Variants in DOCK2 observed in about 807,000 individuals in gnomAD.
DOCK2 encodes dedicator of cytokinesis 2, also known as dedicator of cytokinesis protein 2.
Under a neutral mutation model 248.9 loss-of-function variants are expected in DOCK2, and 87 were observed. That is an observed-to-expected ratio of 0.35 (90% CI 0.29 to 0.42). DOCK2 has a LOEUF of 0.42. DOCK2 is among the 10% of genes least tolerant of loss of function. The pLI, the probability that DOCK2 is intolerant of heterozygous loss-of-function variation, is 1.00. For missense variants in DOCK2, 1,747 were observed against 2,300.2 expected (o/e 0.76, Z 4.92); for synonymous variants, 805 against 821.6 (o/e 0.98, Z 0.35).
intron 9 of DOCK2, among the ~76,000 whole-genome samples, chr5:169,694,624 T>C (rs1050468427): frequency 1.3e-4 from 20 of 152,234 alleles, no homozygotes; most frequent in African/African-American, 4.8e-4. Flanking sequence ...AGATTGAATA[T>C]GGTGATGCAG....
intron 48 of DOCK2, among the ~76,000 whole-genome samples, chr5:170,078,107 G>A (rs1303483931): frequency 1.3e-5 from 2 of 152,144 alleles, no homozygotes; most frequent in African/African-American, 2.4e-5. Flanking sequence ...CTAGTCCAGT[G>A]ATCTCTGTCA....
intron 22 of DOCK2, among the ~76,000 whole-genome samples, chr5:169,733,923 A>G (rs1029403355): frequency 4.6e-5 from 7 of 152,146 alleles, no homozygotes; most frequent in Non-Finnish European, 7.4e-5. Context: ...AGTTTTGAAT[A>G]TTTAATACCA....
At position 169,699,452 on chromosome 5, in the gene DOCK2, G is replaced by T; in HGVS notation, c.1126G>T (p.Gly376Trp). Reference sequence around the variant, plus strand: ...CATAGCCTCCAAGGGGGACAGTGGAGGGCAAGGTAAAGTGCCAATATGCCA... The same window carrying T: ...CATAGCCTCCAAGGGGGACAGTGGATGGCAAGGTAAAGTGCCAATATGCCA... The part of the protein sequence containing the change: ...KVIASKGDSG[G>W]QGLWVTMKML... The change falls in exon 12 of 52, where the codon GGG becomes TGG. Residue 376 changes from glycine (G) to tryptophan (W), a missense_variant. Transcript: ENST00000520908. The T allele has an allele frequency of 6.2e-7, 1 of 1,612,442 alleles. No individual in the cohort carries two copies. The highest frequency in any genetic ancestry group is 8.5e-7 in the Non-Finnish European group (1 of 1,179,060).
intron 25 of DOCK2, among the ~76,000 whole-genome samples, chr5:169,774,228 A>T (rs575451913): frequency 6.6e-6 from 1 of 152,320 alleles, no homozygotes; most frequent in African/African-American, 2.4e-5. Flanking sequence ...TTTATTAAAA[A>T]TCTAAAACTG....
In DOCK2 at chr5:169,747,379, G is replaced by A. The variant is rs754894346; in HGVS notation, c.2268-17G>A. The A allele has an allele frequency of 1.9e-5, 30 of 1,605,664 alleles. No homozygotes were observed. In the Admixed American group the frequency reaches 2.4e-4, roughly 13 times the overall value. ...GTCTGTTAGCTTGAGAAATGACCCAGATGTATCTTGTTTCAGGCTTTATGA... is the reference window on the plus strand; with the variant it reads ...GTCTGTTAGCTTGAGAAATGACCCAAATGTATCTTGTTTCAGGCTTTATGA... On this transcript the variant is annotated splice_polypyrimidine_tract_variant and intron_variant, in intron 22 of 51. Transcript: ENST00000520908.
rs1051774712 is a variant in DOCK2, at chr5:169,978,397, G to C, written c.2800-4671G>C. 7.7e-5 allele frequency among the ~76,000 whole-genome samples: 11 copies of C among 143,782 alleles called. 2 individuals carry two copies. Among genetic ancestry groups the C allele is most frequent in the Admixed American group, 2.8e-4 (4 of 14,542 alleles). The allele number at this position is 143,782 out of a possible 152,430, so 94.3% of individuals were successfully genotyped here. A position where few individuals can be genotyped will look rare whatever the true frequency, so the allele number is the denominator to read the frequency against. On this transcript the variant is annotated intron_variant, in intron 27 of 51. Transcript: ENST00000520908. ...TGTATGTGTGTGTGTGTGTGTGGGG[G>C]GGGGGGGGTGTAGGTGTGTTTGCAT...
rs192429852 is a variant in DOCK2 at position 169,853,951 on chromosome 5, T to G, written c.2799+13099T>G. ...CCCGGGTTCACACCATTCTCCTGCC[T>G]CAGCCTCCCGAGTAGCTGGGACTAC... On this transcript the variant is annotated intron_variant, in intron 27 of 51. Transcript: ENST00000520908. Among the ~76,000 whole-genome samples, 66 of 148,856 alleles carry G rather than the reference T, an allele frequency of 4.4e-4. 2 individuals carry two copies. The East Asian group carries it at 0.012, about 28-fold the overall frequency.
chr5:169,905,334 A>G (rs1445852959), intron 27 of DOCK2, among the ~76,000 whole-genome samples: 3 of 151,942 alleles, frequency 2.0e-5, no homozygotes, highest in South Asian at 2.1e-4. Flanking sequence ...TCTGTGTTAA[A>G]TATCCCAACT....
At chr5:169,851,743 G>A (rs1770625398) in intron 27 of DOCK2, among the ~76,000 whole-genome samples, 1 of 152,176 alleles carries the variant, frequency 6.6e-6, no homozygotes, top group Non-Finnish European at 1.5e-5. Context: ...AGGGGAAGCA[G>A]GGAGGTTTTA....
At chr5:169,936,123 C>A (rs776633295) in intron 27 of DOCK2, among the ~76,000 whole-genome samples, 12 of 152,150 alleles carry the variant, frequency 7.9e-5, no homozygotes, top group Non-Finnish European at 1.6e-4. Context: ...TGTAACAAAA[C>A]CACCTGTCTG....
chr5:170,077,861 C>G lies in DOCK2; in HGVS notation c.4994+24C>G, dbSNP rs199912452. 7.6e-4 allele frequency: 1,213 copies of G among 1,605,244 alleles called. 4 individuals carry two copies. The highest frequency in any genetic ancestry group is 3.5e-3 in the Middle Eastern group (21 of 6,028). On this transcript the variant is annotated intron_variant, in intron 48 of 51. Transcript: ENST00000520908. ...AGGTCAGTCCCTGCACCCCAAGGAG[C>G]CCCCCACACCCCTGCCTCCCTGGCT...
At chr5:169,882,867 A>T in intron 27 of DOCK2, 4 of 1,551,204 alleles carry the variant, frequency 2.6e-6, no homozygotes, top group Non-Finnish European at 3.5e-6. Context: ...ATGCACTGTT[A>T]GTTTTGAGTG....
At chr5:169,670,147 C>T (rs538751754) in intron 3 of DOCK2, among the ~76,000 whole-genome samples, 4 of 152,324 alleles carry the variant, frequency 2.6e-5, no homozygotes, top group Admixed American at 1.3e-4. Flanking sequence ...TTTCCGGAAT[C>T]GGGCAGGCAA....
chr5:169,797,178 A>T (rs1401803905), intron 25 of DOCK2, among the ~76,000 whole-genome samples: 1 of 152,164 alleles, frequency 6.6e-6, no homozygotes, highest in African/African-American at 2.4e-5. Flanking sequence ...GGGTGTCCTC[A>T]CTCTTGAGAG....
intron 27 of DOCK2, among the ~76,000 whole-genome samples, chr5:169,869,080 A>G (rs912518499): frequency 3.9e-5 from 6 of 152,190 alleles, no homozygotes; most frequent in African/African-American, 1.2e-4. Context: ...ATCACTGCAC[A>G]TGGAACACTG....
intron 39 of DOCK2, among the ~76,000 whole-genome samples, chr5:170,046,749 A>G (rs1345087697): frequency 6.6e-6 from 1 of 150,800 alleles, no homozygotes; most frequent in Non-Finnish European, 1.5e-5. Context: ...GCCAATGCCT[A>G]TGCCCAAGAC....
intron 22 of DOCK2, among the ~76,000 whole-genome samples, chr5:169,728,036 G>A (rs115356773): frequency 0.016 from 2,461 of 152,268 alleles, 39 homozygotes; most frequent in Non-Finnish European, 0.025. Flanking sequence ...CTGGGGAAGA[G>A]GAGAGGAAGA....
intron 2 of DOCK2, among the ~76,000 whole-genome samples, chr5:169,654,742 G>C (rs560210829): frequency 2.6e-5 from 4 of 152,360 alleles, no homozygotes; most frequent in African/African-American, 9.6e-5. Flanking sequence ...GGGCTATTCA[G>C]CCTGTGACTC....
At chr5:169,814,332 A>G (rs962832000) in intron 26 of DOCK2, among the ~76,000 whole-genome samples, 1 of 152,212 alleles carries the variant, frequency 6.6e-6, no homozygotes, top group Non-Finnish European at 1.5e-5. Context: ...ATGAGAAGAC[A>G]TTAGACAAAC....
Sources: gnomAD v4.1 joint callset for allele counts (sites outside exome capture counted in the v4.1 genomes callset) on GRCh38, gnomAD v4.1.1 for gene constraint, MANE v1.5 for transcripts, NCBI Gene and HGNC (gene_info 2026-07-23, HGNC 2026-07-21) for gene names.